Variants in WFDC13 observed in about 807,000 individuals in gnomAD.
The protein encoded by WFDC13 is WAP four-disulfide core domain protein 13.
In WFDC13, 6 loss-of-function variants were observed where a neutral mutation model predicts 10.9. That is an observed-to-expected ratio of 0.55 (90% CI 0.30 to 1.09). The LOEUF (loss-of-function observed/expected upper bound fraction) is 1.09. WFDC13 is among the 50% of genes least tolerant of loss of function. The probability of loss-of-function intolerance (pLI) is 0.06; values close to 1 mark genes in which losing one functional copy is unlikely to be tolerated. For synonymous variants in WFDC13, 38 were observed against 39.5 expected, an observed-to-expected ratio of 0.96 and a Z score of 0.14; for missense variants, 104 against 109.6, an observed-to-expected ratio of 0.95 and a Z score of 0.23.
At chr20:45,704,016 G>C (rs1181864403) in intron 1 of WFDC13, among the ~76,000 whole-genome samples, 1 of 152,148 alleles carries the variant, frequency 6.6e-6, no homozygotes, top group Non-Finnish European at 1.5e-5. Context: ...CCCATGTTAG[G>C]TTAACCCCAG....
At chr20:45,707,099 G>A (rs184060843) in intron 3 of WFDC13, among the ~76,000 whole-genome samples, 210 of 152,300 alleles carry the variant, frequency 1.4e-3, no homozygotes, top group African/African-American at 4.8e-3. Context: ...CCCAGGCTCC[G>A]GTGAGCCCAC....
chr20:45,703,328 T>C (rs1984248560), intron 1 of WFDC13, among the ~76,000 whole-genome samples: 2 of 152,214 alleles, frequency 1.3e-5, no homozygotes, highest in Admixed American at 6.5e-5. Flanking sequence ...TATTGGTCTC[T>C]GTTAAATTGT....
At position 45,705,860 on chromosome 20, in the gene WFDC13, C is replaced by T; in HGVS notation, c.240-3C>T. The T allele has an allele frequency of 6.2e-7, 1 of 1,613,192 alleles. No individual in the cohort carries two copies. Among genetic ancestry groups the T allele is most frequent in the Non-Finnish European group, 8.5e-7 (1 of 1,179,712 alleles). The stretch of plus-strand genomic sequence containing the variant: ...AATATTTGAAAATATTTTTCTTCTA[C>T]AGAATCAAACACAAGGGCTCAGAAG... On this transcript the variant is annotated splice_region_variant and splice_polypyrimidine_tract_variant and intron_variant, in intron 2 of 3. Transcript: ENST00000305479.
In WFDC13 at chr20:45,704,496, C is replaced by T; in HGVS notation, c.141C>T (p.His47=). The change falls in exon 2 of 4, where the codon CAC becomes CAT. Residue 47 remains histidine, a synonymous_variant. Transcript: ENST00000305479. The stretch of plus-strand genomic sequence containing the variant: ...TATCAGCACCTGAAAACTGTACTCA[C>T]CTGTGTACAATGCAGGAAGATTGCG... ...PCISAPENCT[H]LCTMQEDCEK... 6.2e-7 allele frequency: 1 copy of T among 1,614,150 alleles called. No individual in the cohort carries two copies. Among genetic ancestry groups the T allele is most frequent in the Non-Finnish European group, 8.5e-7 (1 of 1,180,018 alleles).
At chr20:45,704,636 G>T (rs1192011356) in intron 2 of WFDC13, 42 bp downstream of exon 2, 14 of 1,605,662 alleles carry the variant, frequency 8.7e-6, no homozygotes, top group Non-Finnish European at 1.2e-5. Flanking sequence ...TAGAGCTGCT[G>T]GTGGGAGCCC....
chr20:45,702,333 T>G, intron 1 of WFDC13, 122 bp downstream of exon 1: 1 of 996,766 alleles, frequency 1.0e-6, no homozygotes, highest in Non-Finnish European at 1.5e-6. Context: ...GCCCAAGCTT[T>G]ATTGTTGGCA....
intron 1 of WFDC13, among the ~76,000 whole-genome samples, chr20:45,703,917 G>A (rs779209934): frequency 1.3e-4 from 20 of 152,144 alleles, no homozygotes; most frequent in Admixed American, 1.2e-3. Flanking sequence ...TTGGGTCCCA[G>A]CTCTCTGATC....
chr20:45,704,393 A>G (rs1984300589), intron 1 of WFDC13, 51 bp from the exon 2 acceptor site: 1 of 1,573,432 alleles, frequency 6.4e-7, no homozygotes, highest in Non-Finnish European at 8.6e-7. Context: ...AGTTCTGAAC[A>G]TTACTCCAGC....
rs186469936 is a variant in WFDC13 at position 45,705,981 on chromosome 20, C to A, written c.*22+54C>A. The A allele has an allele frequency of 2.0e-5, 30 of 1,497,654 alleles. 1 individual carries two copies. In the South Asian group the frequency reaches 3.0e-4, roughly 15 times the overall value. The allele number at this position is 1,497,654 out of a possible 1,614,324, so 92.8% of individuals were successfully genotyped here. On this transcript the variant is annotated intron_variant, in intron 3 of 3. Coordinates refer to ENST00000305479, the MANE Select transcript of WFDC13 (RefSeq NM_172005.2). ...CTCATGTGAGATTCCCAGGGATGCT[C>A]ACTTTCTTCCTGTAGCCTCACCAGG...
intron 1 of WFDC13, among the ~76,000 whole-genome samples, chr20:45,704,094 C>T (rs779456115): frequency 2.2e-4 from 34 of 152,194 alleles, no homozygotes; most frequent in African/African-American, 8.2e-4. Context: ...CAGTGCAGAA[C>T]GAACATACAA....
chr20:45,704,447 A>G lies in WFDC13; in HGVS notation c.92A>G (p.Tyr31Cys), dbSNP rs762725390. 2 of 1,613,130 alleles carry G rather than the reference A, an allele frequency of 1.2e-6. No individual in the cohort carries two copies. Among genetic ancestry groups the G allele is most frequent in the Non-Finnish European group, 1.7e-6 (2 of 1,179,598 alleles). ...TCTTACTTGTTCTGTGTTCCAGAGTATATCTTGGAACCTCCACCCTGCATA... is the reference window on the plus strand; with the variant it reads ...TCTTACTTGTTCTGTGTTCCAGAGTGTATCTTGGAACCTCCACCCTGCATA... ...PGSPKQRVLK[Y>C]ILEPPPCISA... The change falls in exon 2 of 4, where the codon TAT becomes TGT. Residue 31 changes from tyrosine to cysteine, a missense_variant. By Grantham distance (194) the Tyr-to-Cys change is radical. Coordinates refer to ENST00000305479, the MANE Select transcript of WFDC13 (RefSeq NM_172005.2).
In WFDC13 at chr20:45,704,577, AT is replaced by A; in HGVS notation, c.225del (p.Gln76LysfsTer41). The A allele has an allele frequency of 1.9e-6, 3 of 1,614,068 alleles. No individual in the cohort carries two copies. Among genetic ancestry groups the A allele is most frequent in the Non-Finnish European group, 2.5e-6 (3 of 1,180,018 alleles). On this transcript the variant is annotated frameshift_variant, in exon 2 of 4. Coordinates refer to ENST00000305479, the MANE Select transcript of WFDC13 (RefSeq NM_172005.2). LOFTEE classifies it high-confidence loss of function. ...GTGGGATAGTCTGTTCATCAGAAAC[AT>A]TTCAAAAGCGCAACAGGTAAGAGAT... ...FCGIVCSSET[F>X]QKRNRIKHKG...
At chr20:45,706,003 C>A (rs1984376228) in intron 3 of WFDC13, 76 bp downstream of exon 3, 1 of 1,267,746 alleles carries the variant, frequency 7.9e-7, no homozygotes, top group East Asian at 2.3e-5. Flanking sequence ...GTAGCCTCAC[C>A]AGGGGCACTA....
At chr20:45,707,029 G>A (rs979832893) in intron 3 of WFDC13, among the ~76,000 whole-genome samples, 1 of 152,238 alleles carries the variant, frequency 6.6e-6, no homozygotes, top group Non-Finnish European at 1.5e-5. Flanking sequence ...CTGTACAAAG[G>A]AGCGTGATAA....
chr20:45,706,907 AGAGTATTT>A (rs1164723638), intron 3 of WFDC13, among the ~76,000 whole-genome samples: 5 of 152,244 alleles, frequency 3.3e-5, no homozygotes, highest in Admixed American at 6.5e-5. Context: ...ATTTCGTTTC[AGAGTATTT>A]GAAAGAAAAA....
Position 45,705,936 on chromosome 20 carries a change from A to G in WFDC13, c.*22+9A>G. 2 of 1,613,086 alleles carry G rather than the reference A, an allele frequency of 1.2e-6. No homozygotes were observed. Among genetic ancestry groups the G allele is most frequent in the African/African-American group, 1.3e-5 (1 of 75,020 alleles). The stretch of plus-strand genomic sequence containing the variant: ...ATTTCCTAGATCATTTTGTAAGTAC[A>G]GGGATTTGGTCTCGCCTTCCTCATG... On this transcript the variant is annotated intron_variant, in intron 3 of 3. Transcript: ENST00000305479.
intron 3 of WFDC13, among the ~76,000 whole-genome samples, 158 bp from the exon 4 acceptor site, chr20:45,707,700 G>C (rs1984450714): frequency 6.6e-6 from 1 of 152,156 alleles, no homozygotes; most frequent in African/African-American, 2.4e-5. Flanking sequence ...TAGACTCCAG[G>C]AAAAGTTTTT....
At chr20:45,702,753 A>G (rs1984218629) in intron 1 of WFDC13, among the ~76,000 whole-genome samples, 2 of 152,186 alleles carry the variant, frequency 1.3e-5, no homozygotes, top group African/African-American at 4.8e-5. Context: ...CATCAATGGG[A>G]CAGTGTAGAG....
At position 45,702,083 on chromosome 20, in the gene WFDC13, C is replaced by A. The variant is rs377369558; in HGVS notation, c.-41C>A. The A allele has an allele frequency of 1.1e-5, 18 of 1,590,564 alleles. No individual in the cohort carries two copies. The African/African-American group carries it at 1.9e-4, about 17-fold the overall frequency. ...CACAGCAGTGCCTGGTCAAACCCAGCAACCCTTGGCCAGAACTTACTCACC... is the reference window on the plus strand; with the variant it reads ...CACAGCAGTGCCTGGTCAAACCCAGAAACCCTTGGCCAGAACTTACTCACC... On this transcript the variant is annotated 5_prime_UTR_variant, in exon 1 of 4. Coordinates refer to ENST00000305479, the MANE Select transcript of WFDC13 (RefSeq NM_172005.2).
Sources: allele counts gnomAD v4.1 joint callset (sites outside exome capture counted in the v4.1 genomes callset), GRCh38; gene constraint gnomAD v4.1.1; transcripts MANE v1.5; gene names NCBI Gene and HGNC (gene_info 2026-07-23, HGNC 2026-07-21).